SDK2: variants seen among roughly 807,000 people sequenced by gnomAD.
SDK2 encodes sidekick cell adhesion molecule 2, also known as protein sidekick-2.
SDK2 carries 105 observed loss-of-function variants against 253.9 expected under a neutral mutation model. The ratio of observed to expected loss-of-function variants is 0.41; its 90% CI spans 0.35 to 0.49. SDK2 has a LOEUF of 0.49. SDK2 is among the 20% of genes least tolerant of loss of function. The probability of loss-of-function intolerance (pLI) is 0.06; values close to 1 mark genes in which losing one functional copy is unlikely to be tolerated. For synonymous variants in SDK2, 1,249 were observed against 1,234.9 expected, an observed-to-expected ratio of 1.01 and a Z score of -0.24; for missense variants, 2,608 against 3,003.0, an observed-to-expected ratio of 0.87 and a Z score of 3.07.
chr17:73,499,059 T>C (rs953488110), intron 2 of SDK2, among the ~76,000 whole-genome samples: 2 of 152,252 alleles, frequency 1.3e-5, no homozygotes, highest in Non-Finnish European at 2.9e-5. Flanking sequence ...GCACTTACCC[T>C]GTGCCATGCC....
chr17:73,441,013 T>C, intron 5 of SDK2, 90 bp from the exon 6 acceptor site: 1 of 995,828 alleles, frequency 1.0e-6, no homozygotes, highest in Non-Finnish European at 1.5e-6. Flanking sequence ...GGGAGGTCTT[T>C]GTCCTTACCG....
chr17:73,393,242 CAAAAAAAA>C (rs11443969), intron 27 of SDK2, among the ~76,000 whole-genome samples: 2 of 85,544 alleles, frequency 2.3e-5, no homozygotes, highest in African/African-American at 8.6e-5. Flanking sequence ...GATACTCTAT[CAAAAAAAA>C]AAAAAAAAAA....
rs916301284 is a variant in SDK2 at position 73,551,569 on chromosome 17, T to A, written c.65-43972A>T. On this transcript the variant is annotated intron_variant, in intron 1 of 44. Transcript: ENST00000392650. Reference sequence around the variant, plus strand: ...TCTCTAGGCCATTCTTCCACCTTTTTCTCAACCTAACCCCTCCTGGACCAA... The same window carrying A: ...TCTCTAGGCCATTCTTCCACCTTTTACTCAACCTAACCCCTCCTGGACCAA... Among the ~76,000 whole-genome samples, 3 of 152,244 alleles carry A rather than the reference T, an allele frequency of 2.0e-5. No individual in the cohort carries two copies. The South Asian group carries it at 6.2e-4, about 32-fold the overall frequency.
At chr17:73,532,880 G>A (rs1162651584) in intron 1 of SDK2, among the ~76,000 whole-genome samples, 5 of 152,226 alleles carry the variant, frequency 3.3e-5, no homozygotes, top group Non-Finnish European at 7.3e-5. Flanking sequence ...AGGCTTCCCA[G>A]GGGCAGGGCA....
chr17:73,631,721 C>T (rs1467910337), intron 1 of SDK2, among the ~76,000 whole-genome samples: 1 of 152,202 alleles, frequency 6.6e-6, no homozygotes, highest in Admixed American at 6.5e-5. Flanking sequence ...AAGGTGCTTG[C>T]AGCTGTATGG....
chr17:73,546,793 A>C, intron 1 of SDK2, among the ~76,000 whole-genome samples: 1 of 152,238 alleles, frequency 6.6e-6, no homozygotes, highest in Admixed American at 6.5e-5. Context: ...GGGAAGGTAC[A>C]TTTCAGAATA....
intron 1 of SDK2, among the ~76,000 whole-genome samples, chr17:73,631,223 C>T (rs1319448986): frequency 6.6e-6 from 1 of 152,232 alleles, no homozygotes; most frequent in Non-Finnish European, 1.5e-5. Flanking sequence ...AGGAACTCCC[C>T]TCGGCCCTCC....
In SDK2 at chr17:73,390,362, A is replaced by G. The variant is rs753628653; in HGVS notation, c.4117T>C (p.Phe1373Leu). The change falls in exon 29 of 45, where the codon TTC (phenylalanine) becomes CTC (leucine). Residue 1373 changes from phenylalanine (F) to leucine (L), a missense_variant. Coordinates refer to ENST00000392650, the MANE Select transcript of SDK2 (RefSeq NM_001144952.2). Reference sequence around the variant, plus strand: ...TTGCGGGTCTGGGCCGTGATGCGGAACAGGTAGACAGACTCTGGCTTGAGG... The same window carrying G: ...TTGCGGGTCTGGGCCGTGATGCGGAGCAGGTAGACAGACTCTGGCTTGAGG... ...TGLKPESVYLFRITAQTRKGW... is the reference protein window; with the variant it reads ...TGLKPESVYLLRITAQTRKGW... The G allele has an allele frequency of 6.2e-7, 1 of 1,611,852 alleles. No homozygotes were observed. The highest frequency in any genetic ancestry group is 8.5e-7 in the Non-Finnish European group (1 of 1,179,600).
chr17:73,506,094 T>G (rs1339793713), intron 2 of SDK2, among the ~76,000 whole-genome samples: 1 of 152,250 alleles, frequency 6.6e-6, no homozygotes, highest in Non-Finnish European at 1.5e-5. Flanking sequence ...CGGCACTACT[T>G]GCACGTGTGG....
At chr17:73,615,965 T>C (rs1028135185) in intron 1 of SDK2, among the ~76,000 whole-genome samples, 1 of 152,034 alleles carries the variant, frequency 6.6e-6, no homozygotes, top group African/African-American at 2.4e-5. Flanking sequence ...TGCCTACACA[T>C]GCACATGAAC....
At position 73,481,282 on chromosome 17, in the gene SDK2, T is replaced by G. The variant is rs2063721866; in HGVS notation, c.225-9064A>C. Among the ~76,000 whole-genome samples, 1 of 152,100 alleles carries G rather than the reference T, an allele frequency of 6.6e-6. No homozygotes were observed. The highest frequency in any genetic ancestry group is 2.4e-5 in the African/African-American group (1 of 41,410). On this transcript the variant is annotated intron_variant, in intron 2 of 44. Coordinates refer to ENST00000392650, the MANE Select transcript of SDK2 (RefSeq NM_001144952.2). This position sits in a 1 kb window ranked among gnomAD's most constrained non-coding sequence, Gnocchi z 4.5. ...CGGAGGAGGGGGGACTTGGGCACAG[T>G]GTGTTCCCCCCACCTTCTAGGGAAC... is the stretch of plus-strand genomic sequence containing the variant.
rs1053433876 is a variant in SDK2 at position 73,414,731 on chromosome 17, G to T, written c.2397C>A (p.His799Gln). 6.2e-7 allele frequency: 1 copy of T among 1,613,784 alleles called. No individual in the cohort carries two copies. The highest frequency in any genetic ancestry group is 8.5e-7 in the Non-Finnish European group (1 of 1,179,792). The change falls in exon 18 of 45, where the codon CAC becomes CAA. Residue 799 changes from histidine to glutamine, a missense_variant. Transcript: ENST00000392650. ...TGGTCGTGGAATTGGTGGCTTCCGC[G>T]TGCACATTGCCCGGAGGGACCGTGG... The part of the protein sequence containing the change: ...GVPTVPPGNV[H>Q]AEATNSTTIR...
rs1599559658 is a variant in SDK2 at position 73,431,416 on chromosome 17, C to T, written c.1480+86G>A. ...GACACTGGTGGTATGAGCCTGTGCC[C>T]CGTAGCTGTCCTGAGTCCTCAGCAC... On this transcript the variant is annotated intron_variant, in intron 11 of 44. Coordinates refer to ENST00000392650, the MANE Select transcript of SDK2 (RefSeq NM_001144952.2). The surrounding 1 kb of genome is among the most constrained non-coding windows in gnomAD (Gnocchi z 5.6). The T allele has an allele frequency of 7.5e-7, 1 of 1,337,704 alleles. No individual in the cohort carries two copies. The highest frequency in any genetic ancestry group is 2.5e-5 in the East Asian group (1 of 40,138). The allele number at this position is 1,337,704 out of a possible 1,614,324, so 82.9% of individuals were successfully genotyped here.
intron 12 of SDK2, among the ~76,000 whole-genome samples, chr17:73,425,224 A>T (rs919001207): frequency 1.1e-4 from 16 of 152,158 alleles, no homozygotes; most frequent in African/African-American, 3.9e-4. Context: ...CATCTCAAAA[A>T]CACACAAAAA....
At chr17:73,614,224 A>G (rs2143148412) in intron 1 of SDK2, among the ~76,000 whole-genome samples, 1 of 152,038 alleles carries the variant, frequency 6.6e-6, no homozygotes, top group East Asian at 2.0e-4. Flanking sequence ...CTTAGCCTGG[A>G]AAGTACCCCC....
Position 73,392,050 on chromosome 17 carries a change from C to T in SDK2, c.3899-512G>A, listed in dbSNP as rs754766218. ...ACGCTTCCAGAGGCTGCATGGGCCT[C>T]GTCCCCACATCCACCCTCCTGAGGG... On this transcript the variant is annotated intron_variant, in intron 27 of 44. Transcript: ENST00000392650. Among the ~76,000 whole-genome samples the T allele has an allele frequency of 3.0e-4, 46 of 152,272 alleles. 1 individual carries two copies. The highest frequency in any genetic ancestry group is 1.4e-3 in the South Asian group (7 of 4,830).
At chr17:73,561,571 G>A (rs1016655993) in intron 1 of SDK2, among the ~76,000 whole-genome samples, 2 of 152,228 alleles carry the variant, frequency 1.3e-5, no homozygotes, top group Non-Finnish European at 2.9e-5. Context: ...TGGGGGCACT[G>A]GGGATCACTA....
intron 10 of SDK2, among the ~76,000 whole-genome samples, chr17:73,433,034 C>A (rs193288147): frequency 1.1e-3 from 165 of 152,172 alleles, no homozygotes; most frequent in Non-Finnish European, 6.3e-4. Context: ...TGGCAGCAGC[C>A]ACCACTAGAA....
Position 73,380,968 on chromosome 17 carries a change from C to CTTGTTTTACTGGGCTTGGGGGGGGG in SDK2, c.4706-19_4706-18insCCCCCCCCCAAGCCCAGTAAAACAA. ...GTACATGGCTATGGGGTGGGGGTGC[C>CTTGTTTTACTGGGCTTGGGGGGGGG]GGGGCGGGGGCGCAGAGGGAGACAG... On this transcript the variant is annotated intron_variant, in intron 33 of 44. Transcript: ENST00000392650. The CTTGTTTTACTGGGCTTGGGGGGGGG allele has an allele frequency of 1.6e-6, 1 of 618,862 alleles. No homozygotes were observed. 38.3% of individuals were successfully genotyped at this position (618,862 alleles called of 1,614,324 possible).
Sources: allele counts gnomAD v4.1 joint callset (sites outside exome capture counted in the v4.1 genomes callset), GRCh38; gene constraint gnomAD v4.1.1; non-coding constraint Gnocchi (gnomAD v3.1); transcripts MANE v1.5; gene names NCBI Gene and HGNC (gene_info 2026-07-23, HGNC 2026-07-21).